NUDT12: variants seen among roughly 807,000 people sequenced by gnomAD.
NUDT12 encodes the protein NAD-capped RNA hydrolase NUDT12.
A neutral mutation model predicts 45.7 loss-of-function variants in NUDT12; 42 were observed. The ratio of observed to expected loss-of-function variants is 0.92; its 90% confidence interval spans 0.72 to 1.19. The LOEUF is 1.19. Ranked by LOEUF, NUDT12 falls within the 50% of genes most tolerant of loss-of-function variation. The pLI is 0.00. For missense variants in NUDT12, 590 were observed against 533.1 expected (o/e 1.11, Z -1.05); for synonymous variants, 206 against 179.7 (o/e 1.15, Z -1.17).
rs774733543 is a variant in NUDT12 at position 103,552,243 on chromosome 5, C to A, written c.1252G>T (p.Asp418Tyr). The change falls in exon 6 of 7, where the codon GAT (aspartate) becomes TAT (tyrosine). Residue 418 changes from aspartate to tyrosine, a missense_variant. Transcript: ENST00000230792. ...EIKVDKNEIE[D>Y]ARWFTREQVL... ...TGTTCTCTAGTGAACCAGCGGGCAT[C>A]CTCTATTTCATTCTTGTCAACTTTA... The A allele has an allele frequency of 6.2e-7, 1 of 1,613,654 alleles. No individual in the cohort carries two copies. The highest frequency in any genetic ancestry group is 1.1e-5 in the South Asian group (1 of 91,070).
intron 3 of NUDT12, among the ~76,000 whole-genome samples, chr5:103,556,502 G>A (rs1345413906): frequency 6.6e-6 from 1 of 151,916 alleles, no homozygotes; most frequent in East Asian, 1.9e-4. Flanking sequence ...GTACTCTAAA[G>A]GAAATATTAC....
intron 6 of NUDT12, 93 bp downstream of exon 6, chr5:103,552,124 T>G: frequency 2.1e-6 from 2 of 967,942 alleles, no homozygotes; most frequent in Non-Finnish European, 1.6e-6. Flanking sequence ...AAGGCATCAT[T>G]CAACTTGCTG....
At chr5:103,559,832 T>G (rs544695472) in intron 2 of NUDT12, 2 of 543,422 alleles carry the variant, frequency 3.7e-6, no homozygotes, top group Non-Finnish European at 6.5e-6. Flanking sequence ...TCCTCATAAA[T>G]TTGCTTTGCT....
intron 1 of NUDT12, among the ~76,000 whole-genome samples, chr5:103,562,449 C>A (rs1412132022): frequency 2.0e-5 from 3 of 152,124 alleles, no homozygotes; most frequent in Non-Finnish European, 2.9e-5. Context: ...CCCTAAGTAG[C>A]GCTTCCTTTT....
In NUDT12 at chr5:103,550,919, C is replaced by T. The variant is rs1455854261; in HGVS notation, c.1331G>A (p.Ser444Asn). 1 of 1,613,752 alleles carries T rather than the reference C, an allele frequency of 6.2e-7. No homozygotes were observed. Among genetic ancestry groups the T allele is most frequent in the Admixed American group, 1.7e-5 (1 of 59,926 alleles). ...GKQQAFFVPP[S>N]RAIAHQLIKH... ...GATTAATTGATGTGCAATAGCTCGG[C>T]TTGGTGGCACAAAGAATGCCTGCTG... is the stretch of plus-strand genomic sequence containing the variant. The change falls in exon 7 of 7, where the codon AGC (serine) becomes AAC (asparagine). Residue 444 changes from serine to asparagine, a missense_variant. Ser to Asn is a conservative substitution (Grantham distance 46, BLOSUM62 1). Transcript: ENST00000230792.
At position 103,550,890 on chromosome 5, in the gene NUDT12, G is replaced by A. The variant is rs1485380209; in HGVS notation, c.1360C>T (p.His454Tyr). Residue 454 changes from histidine (H) to tyrosine (Y), a missense_variant, in exon 7 of 7, where the codon CAC becomes TAC. By Grantham distance (83) the His-to-Tyr change is moderately conservative. Coordinates refer to ENST00000230792, the MANE Select transcript of NUDT12 (RefSeq NM_031438.4). ...AGATTAGGATTTATTCTAATCCAGT[G>A]TTTGATTAATTGATGTGCAATAGCT... Reference protein sequence around the residue: ...SRAIAHQLIKHWIRINPNL With the variant: ...SRAIAHQLIKYWIRINPNL 5 of 1,612,626 alleles carry A rather than the reference G, an allele frequency of 3.1e-6. No homozygotes were observed. In the East Asian group the frequency reaches 1.1e-4, roughly 36 times the overall value.
At position 103,550,751 on chromosome 5, in the gene NUDT12, C is replaced by T. The variant is rs759867395; in HGVS notation, c.*110G>A. On this transcript the variant is annotated 3_prime_UTR_variant, in exon 7 of 7. Coordinates refer to ENST00000230792, the MANE Select transcript of NUDT12 (RefSeq NM_031438.4). ...TGAAAATATTTCGAAAACCCAACAT[C>T]GTATTTTGTGTTGTGACACTCTCAA... is the stretch of plus-strand genomic sequence containing the variant. 35 of 679,966 alleles carry T rather than the reference C, an allele frequency of 5.1e-5. No individual in the cohort carries two copies. Among genetic ancestry groups the T allele is most frequent in the East Asian group, 2.7e-4 (10 of 37,112 alleles). 42.1% of individuals were successfully genotyped at this position (679,966 alleles called of 1,614,324 possible). A position where few individuals can be genotyped will look rare whatever the true frequency, so the allele number is the denominator to read the frequency against.
chr5:103,551,115 T>A, intron 6 of NUDT12, 144 bp from the exon 7 acceptor site: 1 of 615,940 alleles, frequency 1.6e-6, no homozygotes, highest in Non-Finnish European at 2.8e-6. Flanking sequence ...CATATTTACA[T>A]GCAAAGTTTT....
chr5:103,556,191 C>T, intron 3 of NUDT12, 93 bp from the exon 4 acceptor site: 1 of 825,790 alleles, frequency 1.2e-6, no homozygotes, highest in Non-Finnish European at 1.7e-6. Context: ...ATAAGAATAG[C>T]TGTGTGATCA....
chr5:103,555,053 A>G (rs1446381219), intron 4 of NUDT12, among the ~76,000 whole-genome samples, 200 bp from the exon 5 acceptor site: 1 of 152,038 alleles, frequency 6.6e-6, no homozygotes, highest in African/African-American at 2.4e-5. Flanking sequence ...GAATAGTGTC[A>G]GTAAGCTAAA....
intron 1 of NUDT12, 63 bp downstream of exon 1, chr5:103,562,640 G>C (rs1445078082): frequency 1.3e-5 from 2 of 152,480 alleles, no homozygotes; most frequent in Non-Finnish European, 2.9e-5. Context: ...AAGAGCCCAG[G>C]GAAGTGGTCA....
chr5:103,559,854 A>T, intron 2 of NUDT12, 189 bp downstream of exon 2: 1 of 565,406 alleles, frequency 1.8e-6, no homozygotes, highest in Non-Finnish European at 3.1e-6. Context: ...TAAAGAAATA[A>T]TTTCTCAATG....
chr5:103,555,541 C>G (rs1748786256), intron 4 of NUDT12, among the ~76,000 whole-genome samples: 1 of 151,958 alleles, frequency 6.6e-6, no homozygotes, highest in South Asian at 2.1e-4. Flanking sequence ...AGACTCAAGG[C>G]AGCAATTAGA....
At chr5:103,555,168 G>A in intron 4 of NUDT12, among the ~76,000 whole-genome samples, 1 of 151,974 alleles carries the variant, frequency 6.6e-6, no homozygotes, top group Non-Finnish European at 1.5e-5. Flanking sequence ...AAAAATTTGA[G>A]TAGGTAATAC....
chr5:103,552,352 A>G lies in NUDT12; in HGVS notation c.1143T>C (p.His381=). Reference sequence around the variant, plus strand: ...ATGGTTGACAAGCAACATACTGAACATGGCCAACTTTGACTCCACTTTCCT... The same window carrying G: ...ATGGTTGACAAGCAACATACTGAACGTGGCCAACTTTGACTCCACTTTCCT... The part of the protein sequence containing the change: ...VEEESGVKVG[H]VQYVACQPWP... Residue 381 remains histidine, a synonymous_variant, in exon 6 of 7, where the codon CAT becomes CAC. Coordinates refer to ENST00000230792, the MANE Select transcript of NUDT12 (RefSeq NM_031438.4). 6.2e-7 allele frequency: 1 copy of G among 1,613,938 alleles called. No individual in the cohort carries two copies. Among genetic ancestry groups the G allele is most frequent in the Non-Finnish European group, 8.5e-7 (1 of 1,179,902 alleles).
At position 103,552,248 on chromosome 5, in the gene NUDT12, A is replaced by G. The variant is rs773148354; in HGVS notation, c.1247T>C (p.Ile416Thr). ...TCTAGTGAACCAGCGGGCATCCTCT[A>G]TTTCATTCTTGTCAACTTTAATTTC... ...STEIKVDKNEIEDARWFTREQ... is the reference protein window; with the variant it reads ...STEIKVDKNETEDARWFTREQ... The change falls in exon 6 of 7, where the codon ATA becomes ACA. Residue 416 changes from isoleucine (I) to threonine (T), a missense_variant. By Grantham distance (89) the Ile-to-Thr change is moderately conservative. Coordinates refer to ENST00000230792, the MANE Select transcript of NUDT12 (RefSeq NM_031438.4). 2.9e-5 allele frequency: 47 copies of G among 1,613,650 alleles called. No homozygotes were observed. The highest frequency in any genetic ancestry group is 4.0e-5 in the African/African-American group (3 of 74,912).
intron 5 of NUDT12, chr5:103,554,382 GCTAA>G: frequency 6.4e-6 from 1 of 156,734 alleles, no homozygotes. Context: ...GGGTATGGGG[GCTAA>G]CTAATGTATC....
rs764908583 is a variant in NUDT12 at position 103,559,258 on chromosome 5, C to G, written c.417G>C (p.Leu139=). The G allele has an allele frequency of 2.5e-6, 4 of 1,592,086 alleles. No homozygotes were observed. The African/African-American group carries it at 5.4e-5, about 22-fold the overall frequency. Residue 139 remains leucine, a synonymous_variant, in exon 3 of 7, where the codon CTG becomes CTC. Transcript: ENST00000230792. ...TGGCTGGATGGCTTTCTTTAGCTAG[C>G]AGCCAGTCAGAATTATTTCTCTTTT... ...KSEKRNNSDW[L]LAKESHPATV...
In NUDT12 at chr5:103,554,871, C is replaced by G. The variant is rs367617329; in HGVS notation, c.965-18G>C. The stretch of plus-strand genomic sequence containing the variant: ...TACTGGATCTGTTGAAAAAAAAAAT[C>G]AGATACATGAATGGCAGGAAAAACG... On this transcript the variant is annotated intron_variant, in intron 4 of 6. Coordinates refer to ENST00000230792, the MANE Select transcript of NUDT12 (RefSeq NM_031438.4). The G allele has an allele frequency of 4.6e-5, 41 of 895,294 alleles. No homozygotes were observed. The highest frequency in any genetic ancestry group is 2.5e-4 in the Middle Eastern group (1 of 4,040). The allele number at this position is 895,294 out of a possible 1,614,324, so 55.5% of individuals were successfully genotyped here. A position where few individuals can be genotyped will look rare whatever the true frequency, so the allele number is the denominator to read the frequency against.
Sources: gnomAD v4.1 joint callset for allele counts (sites outside exome capture counted in the v4.1 genomes callset) on GRCh38, gnomAD v4.1.1 for gene constraint, MANE v1.5 for transcripts, NCBI Gene and HGNC (gene_info 2026-07-23, HGNC 2026-07-21) for gene names.